The following SLC8A2 variants were observed in gnomAD, a reference collection of about 807,000 sequenced individuals.
SLC8A2 encodes the protein sodium/calcium exchanger 2.
A neutral mutation model predicts 70.2 loss-of-function variants in SLC8A2; 14 were observed. The observed-to-expected ratio is 0.20, with a 90% CI of 0.13 to 0.31. SLC8A2 has a LOEUF of 0.31. SLC8A2 is among the 10% of genes least tolerant of loss of function. The pLI is 1.00. For missense variants in SLC8A2, 779 were observed against 1,320.1 expected (o/e 0.59, Z 6.35); for synonymous variants, 575 against 594.3 (o/e 0.97, Z 0.47).
chr19:47,432,427 T>C lies in SLC8A2; in HGVS notation c.2129A>G (p.Glu710Gly). 1 of 1,596,366 alleles carries C rather than the reference T, an allele frequency of 6.3e-7. No homozygotes were observed. Among genetic ancestry groups the C allele is most frequent in the Non-Finnish European group, 8.5e-7 (1 of 1,170,650 alleles). The change falls in exon 9 of 10, where the codon GAG becomes GGG. Residue 710 changes from glutamate (E) to glycine (G), a missense_variant. This residue lies in a region of SLC8A2 where 247 missense variants were observed against 362.8 expected (regional missense o/e 0.68). Coordinates refer to ENST00000236877, the MANE Select transcript of SLC8A2 (RefSeq NM_015063.3). This position sits in a 1 kb window ranked among gnomAD's most constrained non-coding sequence, Gnocchi z 6.2. ...CAGCCGCTCCTCCCGGGACCCGTCCTCCTCCTCCTCCTCGTCCCCTGTGGG... is the reference window on the plus strand; with the variant it reads ...CAGCCGCTCCTCCCGGGACCCGTCCCCCTCCTCCTCCTCGTCCCCTGTGGG... ...TVSAGDEEEE[E>G]DGSREERLPS... is the part of the protein sequence containing the mutation.
In SLC8A2 at chr19:47,465,788, T is replaced by C. The variant is rs1568448091; in HGVS notation, c.616A>G (p.Ile206Val). 6.2e-7 allele frequency: 1 copy of C among 1,614,102 alleles called. No individual in the cohort carries two copies. Among genetic ancestry groups the C allele is most frequent in the Non-Finnish European group, 8.5e-7 (1 of 1,179,984 alleles). Residue 206 changes from isoleucine (I) to valine (V), a missense_variant, in exon 2 of 10, where the codon ATC (isoleucine) becomes GTC (valine). Physicochemically the swap from Ile to Val is conservative, Grantham distance 29 (BLOSUM62 3). Around this residue, in one of 6 missense-constraint regions of SLC8A2, gnomAD observed 155 missense variants for 318.6 expected, o/e 0.49. Coordinates refer to ENST00000236877, the MANE Select transcript of SLC8A2 (RefSeq NM_015063.3). This position sits in a 1 kb window ranked among gnomAD's most constrained non-coding sequence, Gnocchi z 5.5. ...AGATAAAGCCAGACATAGGCGAAGA[T>C]GCTCCAAGAGGCAGTGACAAAGAAG... ...RVFFVTASWS[I>V]FAYVWLYLIL...
chr19:47,466,365 C>G lies in SLC8A2; in HGVS notation c.39G>C (p.Leu13=), dbSNP rs1263996014. 6.9e-7 allele frequency: 1 copy of G among 1,443,244 alleles called. No individual in the cohort carries two copies. The highest frequency in any genetic ancestry group is 1.4e-5 in the South Asian group (1 of 69,274). The allele number at this position is 1,443,244 out of a possible 1,614,324, so 89.4% of individuals were successfully genotyped here. A position where few individuals can be genotyped will look rare whatever the true frequency, so the allele number is the denominator to read the frequency against. ...CTGCCCCGGAGCATGGGGGAGCCGCCAGGAGGAGTGTGACCCCCACCAAGG... is the reference window on the plus strand; with the variant it reads ...CTGCCCCGGAGCATGGGGGAGCCGCGAGGAGGAGTGTGACCCCCACCAAGG... ...PLALVGVTLL[L]AAPPCSGAAT... is the part of the protein sequence containing the mutation. Residue 13 remains leucine (L), a synonymous_variant, in exon 2 of 10, where the codon CTG becomes CTC. Transcript: ENST00000236877. The surrounding 1 kb of genome is among the most constrained non-coding windows in gnomAD (Gnocchi z 6.9).
At chr19:47,443,253 C>T (rs1276634421) in intron 4 of SLC8A2, among the ~76,000 whole-genome samples, 3 of 152,174 alleles carry the variant, frequency 2.0e-5, no homozygotes, top group Non-Finnish European at 4.4e-5. Context: ...AGTGCTGATG[C>T]TAACTGATTT....
In SLC8A2 at chr19:47,468,007, A is replaced by G. The variant is rs186576919; in HGVS notation, c.-16-1588T>C. Among the ~76,000 whole-genome samples the G allele has an allele frequency of 6.6e-6, 1 of 152,064 alleles. No individual in the cohort carries two copies. Among genetic ancestry groups the G allele is most frequent in the Admixed American group, 6.6e-5 (1 of 15,260 alleles). On this transcript the variant is annotated intron_variant, in intron 1 of 9. Coordinates refer to ENST00000236877, the MANE Select transcript of SLC8A2 (RefSeq NM_015063.3). This position sits in a 1 kb window ranked among gnomAD's most constrained non-coding sequence, Gnocchi z 5.1. ...GGCGACAAAACCAGACTCTGCCTCAAAAACAAAACAAAACCAAAAACAAAG... is the reference window on the plus strand; with the variant it reads ...GGCGACAAAACCAGACTCTGCCTCAGAAACAAAACAAAACCAAAAACAAAG...
intron 8 of SLC8A2, among the ~76,000 whole-genome samples, chr19:47,436,165 T>C (rs1234410851): frequency 6.6e-6 from 1 of 152,182 alleles, no homozygotes. Flanking sequence ...TCCCTCCTCC[T>C]GGCTGACATC....
chr19:47,428,714 A>G lies in SLC8A2; in HGVS notation c.*1375T>C, dbSNP rs1966908790. The stretch of plus-strand genomic sequence containing the variant: ...GGCAACTTTTACAGAAATCACAGAA[A>G]AGAGACAGCGACTGATGATGAGCTG... On this transcript the variant is annotated 3_prime_UTR_variant, in exon 10 of 10. Transcript: ENST00000236877. 6.6e-6 allele frequency: 1 copy of G among 152,600 alleles called. No individual in the cohort carries two copies. Among genetic ancestry groups the G allele is most frequent in the African/African-American group, 2.4e-5 (1 of 41,418 alleles). 9.5% of individuals were successfully genotyped at this position (152,600 alleles called of 1,614,324 possible). A position where few individuals can be genotyped will look rare whatever the true frequency, so the allele number is the denominator to read the frequency against.
chr19:47,448,228 C>T lies in SLC8A2; in HGVS notation c.1344G>A (p.Glu448=). ...CGCCTGGTTTGAACACCAGCGTGCC[C>T]TCGCTGCGGCGGGGTGGGGAGGGGG... is the stretch of plus-strand genomic sequence containing the variant. ...AKAGSDYEYS[E]GTLVFKPGET... is the part of the protein sequence containing the mutation. Residue 448 remains glutamate (E), a synonymous_variant, in exon 4 of 10, where the codon GAG becomes GAA. Coordinates refer to ENST00000236877, the MANE Select transcript of SLC8A2 (RefSeq NM_015063.3). The surrounding 1 kb of genome is among the most constrained non-coding windows in gnomAD (Gnocchi z 4.8). The T allele has an allele frequency of 6.3e-7, 1 of 1,589,866 alleles. No individual in the cohort carries two copies. The highest frequency in any genetic ancestry group is 8.6e-7 in the Non-Finnish European group (1 of 1,164,368).
chr19:47,448,913 C>A lies in SLC8A2; in HGVS notation c.1341-682G>T, dbSNP rs1226876059. Among the ~76,000 whole-genome samples the A allele has an allele frequency of 1.3e-5, 2 of 152,210 alleles. No individual in the cohort carries two copies. The highest frequency in any genetic ancestry group is 2.9e-5 in the Non-Finnish European group (2 of 68,034). On this transcript the variant is annotated intron_variant, in intron 3 of 9. Transcript: ENST00000236877. The surrounding 1 kb of genome is among the most constrained non-coding windows in gnomAD (Gnocchi z 4.8). ...AAGGGCACCCGTTGTGTGCCTTGTGCCGAGTGGTGCTGGGGACACAGCAGT... is the reference window on the plus strand; with the variant it reads ...AAGGGCACCCGTTGTGTGCCTTGTGACGAGTGGTGCTGGGGACACAGCAGT...
chr19:47,428,200 G>A lies in SLC8A2; in HGVS notation c.*1889C>T, dbSNP rs1488898235. 2.0e-5 allele frequency: 3 copies of A among 152,026 alleles called. No individual in the cohort carries two copies. The highest frequency in any genetic ancestry group is 4.4e-5 in the Non-Finnish European group (3 of 68,034). 9.4% of individuals were successfully genotyped at this position (152,026 alleles called of 1,614,324 possible). ...ACTGAAGCAGGAAGGCGTGGCTGAA[G>A]CACGACTGATAAGTGGGGGTGTGAT... On this transcript the variant is annotated 3_prime_UTR_variant, in exon 10 of 10. Coordinates refer to ENST00000236877, the MANE Select transcript of SLC8A2 (RefSeq NM_015063.3).
chr19:47,441,456 G>C lies in SLC8A2; in HGVS notation c.1764-16C>G, dbSNP rs948617203. 2 of 1,499,442 alleles carry C rather than the reference G, an allele frequency of 1.3e-6. No homozygotes were observed. The highest frequency in any genetic ancestry group is 2.7e-5 in the African/African-American group (2 of 72,760). The allele number at this position is 1,499,442 out of a possible 1,614,324, so 92.9% of individuals were successfully genotyped here. On this transcript the variant is annotated splice_polypyrimidine_tract_variant and intron_variant, in intron 4 of 9. Coordinates refer to ENST00000236877, the MANE Select transcript of SLC8A2 (RefSeq NM_015063.3). The stretch of plus-strand genomic sequence containing the variant: ...AAGAGTTTTCCTGTGCAGGGGGTAA[G>C]GGGGAGGCAGAACACTCAGTGTAAG...
chr19:47,455,666 A>G (rs1446950905), intron 3 of SLC8A2, among the ~76,000 whole-genome samples: 3 of 152,238 alleles, frequency 2.0e-5, no homozygotes, highest in South Asian at 4.1e-4. Flanking sequence ...GTAAAGCTAT[A>G]AGTCTTAAAA....
intron 4 of SLC8A2, among the ~76,000 whole-genome samples, chr19:47,446,439 CTTTT>C (rs968546576): frequency 3.3e-4 from 50 of 151,908 alleles, no homozygotes; most frequent in African/African-American, 1.1e-3. Context: ...TGTTTTTTTT[CTTTT>C]TTTGAGACAG....
chr19:47,446,321 T>TG (rs1405735328), intron 4 of SLC8A2, among the ~76,000 whole-genome samples: 1 of 140,742 alleles, frequency 7.1e-6, no homozygotes, highest in African/African-American at 2.7e-5. Flanking sequence ...AGGCACACAT[T>TG]GGGGGACACT....
rs1966907751 is a variant in SLC8A2, at chr19:47,428,630, T to C, written c.*1459A>G. On this transcript the variant is annotated 3_prime_UTR_variant, in exon 10 of 10. Transcript: ENST00000236877. ...TCAGTCAGAGACCTTATTAGCCCCCTCCTCCTGAATCCCAGCTTCCCACGG... is the reference window on the plus strand; with the variant it reads ...TCAGTCAGAGACCTTATTAGCCCCCCCCTCCTGAATCCCAGCTTCCCACGG... 1 of 152,592 alleles carries C rather than the reference T, an allele frequency of 6.6e-6. No homozygotes were observed. The highest frequency in any genetic ancestry group is 6.6e-5 in the Admixed American group (1 of 15,266). 9.5% of individuals were successfully genotyped at this position (152,592 alleles called of 1,614,324 possible).
At position 47,457,131 on chromosome 19, in the gene SLC8A2, G is replaced by A; in HGVS notation, c.1139C>T (p.Ala380Val). 1 of 1,542,894 alleles carries A rather than the reference G, an allele frequency of 6.5e-7. No homozygotes were observed. The highest frequency in any genetic ancestry group is 8.7e-7 in the Non-Finnish European group (1 of 1,144,386). Residue 380 changes from alanine to valine, a missense_variant, in exon 3 of 10, where the codon GCG becomes GTG. Ala to Val is a moderately conservative substitution (Grantham distance 64). Around this residue, in one of 6 missense-constraint regions of SLC8A2, gnomAD observed 186 missense variants for 246.6 expected, o/e 0.75. Transcript: ENST00000236877. ...RHAADASRRA[A>V]PAEGAGEDED... ...GTCCTCGCCCGCGCCCTCGGCCGGC[G>A]CCGCCCTGCGCGAGGCGTCCGCCGC...
At chr19:47,451,198 T>C (rs1407464122) in intron 3 of SLC8A2, among the ~76,000 whole-genome samples, 1 of 151,916 alleles carries the variant, frequency 6.6e-6, no homozygotes, top group Non-Finnish European at 1.5e-5. Flanking sequence ...TTAGTAGAGA[T>C]GGGGTTTCAC....
At chr19:47,444,253 G>A (rs1313049583) in intron 4 of SLC8A2, among the ~76,000 whole-genome samples, 1 of 151,926 alleles carries the variant, frequency 6.6e-6, no homozygotes, top group East Asian at 1.9e-4. Flanking sequence ...CTAAAGAATG[G>A]AGTAACAAAA....
chr19:47,452,321 T>G (rs556595798), intron 3 of SLC8A2, among the ~76,000 whole-genome samples: 54 of 149,728 alleles, frequency 3.6e-4, no homozygotes, highest in African/African-American at 1.3e-3. Context: ...CTCAAGCGAT[T>G]CCCCTACCTC....
chr19:47,438,922 G>A (rs1250113865), intron 6 of SLC8A2, among the ~76,000 whole-genome samples: 6 of 152,154 alleles, frequency 3.9e-5, no homozygotes, highest in Non-Finnish European at 8.8e-5. Context: ...GGCAGAAGCT[G>A]AAGTGTGTTC....
Sources: gnomAD v4.1 joint callset for allele counts (sites outside exome capture counted in the v4.1 genomes callset) on GRCh38, gnomAD v4.1.1 for gene constraint, gnomAD v4.1.1 regional missense constraint, Gnocchi (gnomAD v3.1) non-coding constraint, MANE v1.5 for transcripts, NCBI Gene and HGNC (gene_info 2026-07-23, HGNC 2026-07-21) for gene names.